Variants in TFRC observed in about 807,000 individuals in gnomAD.
The protein encoded by TFRC is transferrin receptor, also known as transferrin receptor protein 1.
TFRC carries 35 observed loss-of-function variants against 85.8 expected under a neutral mutation model. That is an observed-to-expected ratio of 0.41 (90% CI 0.31 to 0.54). The LOEUF (loss-of-function observed/expected upper bound fraction) is 0.54. TFRC is among the 20% of genes least tolerant of loss of function. TFRC has a pLI of 0.31. For missense variants in TFRC, 828 were observed against 921.5 expected, an observed-to-expected ratio of 0.90 and a Z score of 1.31; for synonymous variants, 362 against 328.6, an observed-to-expected ratio of 1.10 and a Z score of -1.10.
chr3:196,069,086 GATTAC>G (rs1025097934), intron 7 of TFRC, among the ~76,000 whole-genome samples: 1 of 152,108 alleles, frequency 6.6e-6, no homozygotes, highest in Non-Finnish European at 1.5e-5. Flanking sequence ...AAAGTGTTGG[GATTAC>G]AGGTGTGAGC....
chr3:196,068,536 A>G lies in TFRC; in HGVS notation c.802-406T>C, dbSNP rs545144576. ...TGAGGCAGGAGAATCGCTTGAAACC[A>G]TAAGGCAGAGGTTGCAGTGAGCCAA... On this transcript the variant is annotated intron_variant, in intron 7 of 18. Transcript: ENST00000360110. 1.2e-4 allele frequency among the ~76,000 whole-genome samples: 18 copies of G among 146,910 alleles called. 1 individual carries two copies. In the South Asian group the frequency reaches 3.5e-3, roughly 28 times the overall value.
chr3:196,078,998 T>C lies in TFRC; in HGVS notation c.-23-1876A>G, dbSNP rs189460046. Among the ~76,000 whole-genome samples the C allele has an allele frequency of 1.6e-4, 24 of 152,248 alleles. No homozygotes were observed. The South Asian group carries it at 3.1e-3, about 20-fold the overall frequency. On this transcript the variant is annotated intron_variant, in intron 1 of 18. Transcript: ENST00000360110. Reference sequence around the variant, plus strand: ...CACGTTGGCCAGGCTGGTCTGGAACTTCTGACCTAGGGTGATCCACCCACC... The same window carrying C: ...CACGTTGGCCAGGCTGGTCTGGAACCTCTGACCTAGGGTGATCCACCCACC...
At chr3:196,053,828 C>T (rs896802532) in intron 17 of TFRC, among the ~76,000 whole-genome samples, 17 of 152,180 alleles carry the variant, frequency 1.1e-4, no homozygotes, top group Admixed American at 3.9e-4. Flanking sequence ...CAGTTCAATT[C>T]TCCTTTTGGG....
In TFRC at chr3:196,073,958, CCA is replaced by C; in HGVS notation, c.404_405del (p.Leu135ArgfsTer14). The C allele has an allele frequency of 6.2e-7, 1 of 1,614,074 alleles. No individual in the cohort carries two copies. The highest frequency in any genetic ancestry group is 8.5e-7 in the Non-Finnish European group (1 of 1,179,980). On this transcript the variant is annotated frameshift_variant, in exon 4 of 19. Coordinates refer to ENST00000360110, the MANE Select transcript of TFRC (RefSeq NM_001128148.3). LOFTEE classifies it high-confidence loss of function. The part of the protein sequence containing the change: ...DDLKRKLSEK[L>X]DSTDFTGTIK... ...ATGGTGCCGGTGAAGTCTGTGCTGT[CCA>C]GTTTCTCCGACAACTTTCTCTTCAG...
chr3:196,057,692 G>A (rs1443781500), intron 16 of TFRC, among the ~76,000 whole-genome samples: 1 of 151,686 alleles, frequency 6.6e-6, no homozygotes, highest in African/African-American at 2.4e-5. Context: ...ACAGTTTGGA[G>A]GCTGAAGGGG....
chr3:196,069,619 T>A, intron 6 of TFRC, 51 bp from the exon 7 acceptor site: 1 of 1,179,400 alleles, frequency 8.5e-7, no homozygotes, highest in Non-Finnish European at 1.2e-6. Context: ...GGAACAGCTC[T>A]AAAATCTTGA....
chr3:196,065,417 CGGGGGGGGGGG>C lies in TFRC; in HGVS notation c.1198+15_1198+25del. ...AAAAGAAAACAAAAAAAAAGCGGGG[CGGGGGGGGGGG>C]GGGGCGGTCTTTACCTGGTTCTACA... On this transcript the variant is annotated intron_variant, in intron 10 of 18. Transcript: ENST00000360110. 1.6e-5 allele frequency: 6 copies of C among 371,444 alleles called. No individual in the cohort carries two copies. The highest frequency in any genetic ancestry group is 2.1e-5 in the Non-Finnish European group (6 of 279,430). 23.0% of individuals were successfully genotyped at this position (371,444 alleles called of 1,614,324 possible).
chr3:196,060,797 C>CAAAAAAAAAAAAAAA (rs1173946134), intron 13 of TFRC, among the ~76,000 whole-genome samples: 1 of 36,944 alleles, frequency 2.7e-5, no homozygotes, highest in African/African-American at 1.0e-4. Context: ...GACTCCATCT[C>CAAAAAAAAAAAAAAA]AAAAAAAAAA....
chr3:196,066,612 C>T (rs1481249454), intron 9 of TFRC, among the ~76,000 whole-genome samples: 12 of 152,114 alleles, frequency 7.9e-5, no homozygotes, highest in Admixed American at 7.2e-4. Flanking sequence ...AGGTTGGTTA[C>T]GATTTGTAGG....
chr3:196,079,465 T>G lies in TFRC; in HGVS notation c.-23-2343A>C, dbSNP rs139852234. ...CCATCTCTACCAAAAAAATACAAAA[T>G]TAGCCGGGCATGGTGGCGCATGCCT... On this transcript the variant is annotated intron_variant, in intron 1 of 18. Coordinates refer to ENST00000360110, the MANE Select transcript of TFRC (RefSeq NM_001128148.3). 9.1e-3 allele frequency among the ~76,000 whole-genome samples: 1,382 copies of G among 151,040 alleles called. 25 individuals are homozygous for G. Among genetic ancestry groups the G allele is most frequent in the African/African-American group, 0.032 (1,326 of 41,098 alleles).
intron 13 of TFRC, among the ~76,000 whole-genome samples, chr3:196,061,226 T>C (rs957946179): frequency 5.3e-5 from 8 of 152,188 alleles, no homozygotes; most frequent in African/African-American, 1.9e-4. Context: ...GAAGTTTCAT[T>C]ATCCAATATT....
At chr3:196,057,705 G>A (rs753063334) in intron 16 of TFRC, among the ~76,000 whole-genome samples, 4 of 151,144 alleles carry the variant, frequency 2.6e-5, no homozygotes, top group Non-Finnish European at 5.9e-5. Context: ...TGAAGGGGGA[G>A]GACTGCTTGA....
At chr3:196,073,046 A>AAACAAAC (rs71621207) in intron 4 of TFRC, among the ~76,000 whole-genome samples, 4 of 128,434 alleles carry the variant, frequency 3.1e-5, no homozygotes, top group Non-Finnish European at 6.8e-5. Flanking sequence ...CAAAAAAAAA[A>AAACAAAC]AAAAAAAAAA....
At position 196,067,652 on chromosome 3, in the gene TFRC, A is replaced by T. The variant is rs1717849202; in HGVS notation, c.906T>A (p.His302Gln). The change falls in exon 9 of 19, where the codon CAT becomes CAA. Residue 302 changes from histidine (H) to glutamine (Q), a missense_variant. Transcript: ENST00000360110. ...NAELSFFGHA[H>Q]LGTGDPYTPG... ...GTGTGTAAGGGTCACCTGTCCCCAG[A>T]TGAGCCTAGGAAAACAAAAGAGCAA... 6.2e-7 allele frequency: 1 copy of T among 1,613,184 alleles called. No individual in the cohort carries two copies. The highest frequency in any genetic ancestry group is 8.5e-7 in the Non-Finnish European group (1 of 1,179,712).
intron 16 of TFRC, among the ~76,000 whole-genome samples, chr3:196,057,013 G>A (rs370922661): frequency 1.3e-5 from 2 of 152,046 alleles, no homozygotes; most frequent in South Asian, 2.1e-4. Context: ...GCAGAGACGG[G>A]GTTTCACCAT....
chr3:196,054,359 C>T (rs1269574838), intron 17 of TFRC, among the ~76,000 whole-genome samples: 1 of 152,010 alleles, frequency 6.6e-6, no homozygotes, highest in Non-Finnish European at 1.5e-5. Context: ...GAGCCGAGAT[C>T]ATGTCATTGC....
At position 196,058,343 on chromosome 3, in the gene TFRC, C is replaced by T; in HGVS notation, c.1618G>A (p.Ala540Thr). 6.2e-7 allele frequency: 1 copy of T among 1,613,998 alleles called. No individual in the cohort carries two copies. The highest frequency in any genetic ancestry group is 8.5e-7 in the Non-Finnish European group (1 of 1,179,960). ...SKVEKLTLDN[A>T]AFPFLAYSGI... ...GAATATGCAAGGAAAGGGAAAGCAGCATTGTCTAAAGTGAGTTTCTCACTG... is the reference window on the plus strand; with the variant it reads ...GAATATGCAAGGAAAGGGAAAGCAGTATTGTCTAAAGTGAGTTTCTCACTG... The change falls in exon 16 of 19, where the codon GCT (alanine) becomes ACT (threonine). Residue 540 changes from alanine (A) to threonine (T), a missense_variant. Coordinates refer to ENST00000360110, the MANE Select transcript of TFRC (RefSeq NM_001128148.3).
chr3:196,063,866 A>G (rs2300778), intron 11 of TFRC, among the ~76,000 whole-genome samples: 73,279 of 152,022 alleles, frequency 0.48, 19,427 homozygotes, highest in Non-Finnish European at 0.61. Context: ...GCAGTGAGCT[A>G]AGTGAGATCA....
intron 14 of TFRC, 128 bp from the exon 15 acceptor site, chr3:196,058,760 T>G (rs150148973): frequency 3.7e-6 from 2 of 537,332 alleles, no homozygotes; most frequent in South Asian, 6.7e-5. Context: ...GAAAAGAAAT[T>G]ATTTATGATA....
Sources: gnomAD v4.1 joint callset for allele counts (sites outside exome capture counted in the v4.1 genomes callset) on GRCh38, gnomAD v4.1.1 for gene constraint, MANE v1.5 for transcripts, NCBI Gene and HGNC (gene_info 2026-07-23, HGNC 2026-07-21) for gene names.